Variants in JPH3 observed in about 807,000 individuals in gnomAD.
JPH3 encodes the protein junctophilin 3.
A neutral mutation model predicts 59.6 loss-of-function variants in JPH3; 11 were observed. The ratio of observed to expected loss-of-function variants is 0.18; its 90% CI spans 0.12 to 0.31. The LOEUF is 0.31. Among genes scored for constraint, JPH3 ranks in the 10% least tolerant of loss-of-function variants. The pLI is 1.00. For missense variants in JPH3, 1,202 were observed against 1,105.7 expected, an observed-to-expected ratio of 1.09 and a Z score of -1.24; for synonymous variants, 673 against 483.6, an observed-to-expected ratio of 1.39 and a Z score of -5.14.
At chr16:87,626,677 G>A (rs574507445) in intron 1 of JPH3, among the ~76,000 whole-genome samples, 6 of 152,392 alleles carry the variant, frequency 3.9e-5, no homozygotes, top group African/African-American at 1.4e-4. Flanking sequence ...ATGGGGTGGT[G>A]CATGTCCAGA....
At chr16:87,680,457 CT>C (rs1408645876) in intron 2 of JPH3, among the ~76,000 whole-genome samples, 4 of 152,236 alleles carry the variant, frequency 2.6e-5, no homozygotes, top group Admixed American at 6.5e-5. Context: ...CCTCTTGCCT[CT>C]GACTCAGAGC....
chr16:87,674,195 G>C lies in JPH3; in HGVS notation c.1161-9947G>C, dbSNP rs137877500. On this transcript the variant is annotated intron_variant, in intron 2 of 4. Transcript: ENST00000284262. Reference sequence around the variant, plus strand: ...TAAAAATACAAAAAATTAGCCAGGCGTGGTGGCGGGCGCCTGTAGTCCCAG... The same window carrying C: ...TAAAAATACAAAAAATTAGCCAGGCCTGGTGGCGGGCGCCTGTAGTCCCAG... Among the ~76,000 whole-genome samples the C allele has an allele frequency of 1.2e-4, 18 of 152,176 alleles. 1 individual carries two copies. In the East Asian group the frequency reaches 3.1e-3, roughly 26 times the overall value.
At chr16:87,670,466 TC>T (rs2032986329) in intron 2 of JPH3, among the ~76,000 whole-genome samples, 1 of 152,166 alleles carries the variant, frequency 6.6e-6, no homozygotes, top group South Asian at 2.1e-4. Flanking sequence ...GGCACCAGGA[TC>T]CAAGCAGTGG....
At chr16:87,660,246 C>T (rs1476918040) in intron 2 of JPH3, among the ~76,000 whole-genome samples, 2 of 152,120 alleles carry the variant, frequency 1.3e-5, no homozygotes, top group Non-Finnish European at 2.9e-5. Context: ...AAAGACTCTC[C>T]CTGGATTCTG....
rs557169217 is a variant in JPH3, at chr16:87,691,486, A to G, written c.2166+960A>G. The stretch of plus-strand genomic sequence containing the variant: ...AGGGGGGTGTCCGCAGGGGGCGCTC[A>G]GGGCGTGTGGGCCGGGCAGGGGGGA... On this transcript the variant is annotated intron_variant, in intron 4 of 4. Transcript: ENST00000284262. Among the ~76,000 whole-genome samples the G allele has an allele frequency of 2.6e-5, 4 of 152,160 alleles. No individual in the cohort carries two copies. The East Asian group carries it at 5.8e-4, about 22-fold the overall frequency.
intron 2 of JPH3, among the ~76,000 whole-genome samples, chr16:87,683,727 G>C (rs75021418): frequency 6.6e-6 from 1 of 152,028 alleles, no homozygotes; most frequent in Admixed American, 6.5e-5. Flanking sequence ...CTGCCTCAGT[G>C]TCCCGAGTAG....
intron 2 of JPH3, among the ~76,000 whole-genome samples, chr16:87,666,071 T>C (rs970490065): frequency 1.2e-4 from 18 of 150,668 alleles, no homozygotes; most frequent in African/African-American, 3.7e-4. Context: ...ATCAGGTAAA[T>C]AACAGGTACT....
chr16:87,676,783 C>T (rs567364518), intron 2 of JPH3, among the ~76,000 whole-genome samples: 8 of 150,920 alleles, frequency 5.3e-5, no homozygotes, highest in South Asian at 4.2e-4. Flanking sequence ...CACCTGTAAT[C>T]TCAGCACTTT....
chr16:87,651,397 G>C (rs566792648), intron 2 of JPH3, among the ~76,000 whole-genome samples: 57 of 152,302 alleles, frequency 3.7e-4, no homozygotes, highest in African/African-American at 1.3e-3. Flanking sequence ...ATTTAGTAAG[G>C]CTGCCATAGA....
At chr16:87,618,642 T>C (rs144165624) in intron 1 of JPH3, among the ~76,000 whole-genome samples, 6 of 152,328 alleles carry the variant, frequency 3.9e-5, no homozygotes, top group Non-Finnish European at 8.8e-5. Context: ...TGTTTCTGCG[T>C]CCTCATCCGC....
chr16:87,605,824 G>A (rs889960074), intron 1 of JPH3, among the ~76,000 whole-genome samples: 1 of 152,198 alleles, frequency 6.6e-6, no homozygotes, highest in Non-Finnish European at 1.5e-5. Context: ...TCACATTGCC[G>A]GAAGAAGCCC....
chr16:87,687,867 A>G (rs773409399), intron 3 of JPH3, among the ~76,000 whole-genome samples: 32 of 152,044 alleles, frequency 2.1e-4, no homozygotes, highest in Non-Finnish European at 1.6e-4. Flanking sequence ...GGGGGCCTTG[A>G]TCCCAGCCTG....
intron 1 of JPH3, among the ~76,000 whole-genome samples, chr16:87,610,965 A>G (rs181704785): frequency 6.6e-6 from 1 of 152,348 alleles, no homozygotes; most frequent in African/African-American, 2.4e-5. Flanking sequence ...TCGTTCAGTC[A>G]TTGGAGAAGC....
chr16:87,643,281 C>T (rs537687138), intron 1 of JPH3, among the ~76,000 whole-genome samples: 1 of 152,346 alleles, frequency 6.6e-6, no homozygotes, highest in East Asian at 1.9e-4. Context: ...GGCGTCTGTC[C>T]ATTTACCAGG....
intron 2 of JPH3, among the ~76,000 whole-genome samples, chr16:87,648,991 G>A (rs758441075): frequency 9.8e-5 from 15 of 152,330 alleles, no homozygotes; most frequent in Admixed American, 2.0e-4. Flanking sequence ...GCCCCACGGG[G>A]AGATGAGGCA....
chr16:87,694,697 CCA>C (rs1231089816), intron 4 of JPH3: 1 of 156,902 alleles, frequency 6.4e-6, no homozygotes, highest in Non-Finnish European at 1.4e-5. Context: ...CTTCAGGTGG[CCA>C]CAGTGTACAA....
chr16:87,662,499 G>T (rs12924663), intron 2 of JPH3, among the ~76,000 whole-genome samples: 21,989 of 151,994 alleles, frequency 0.14, 1,745 homozygotes, highest in Middle Eastern at 0.19. Context: ...ATTGGGTGTA[G>T]TGTCCTGATT....
chr16:87,677,695 A>T (rs761747909), intron 2 of JPH3, among the ~76,000 whole-genome samples: 5 of 152,202 alleles, frequency 3.3e-5, no homozygotes, highest in Non-Finnish European at 7.3e-5. Flanking sequence ...GCAGAGATCC[A>T]AAGGAATTGG....
chr16:87,671,949 G>C (rs760853820), intron 2 of JPH3, among the ~76,000 whole-genome samples: 2 of 152,214 alleles, frequency 1.3e-5, no homozygotes, highest in African/African-American at 4.8e-5. Context: ...ATGCACCTTC[G>C]TCTGTGGGGG....
Sources: allele counts gnomAD v4.1 joint callset (sites outside exome capture counted in the v4.1 genomes callset), GRCh38; gene constraint gnomAD v4.1.1; transcripts MANE v1.5; gene names NCBI Gene and HGNC (gene_info 2026-07-23, HGNC 2026-07-21).